RIN2: variants seen among roughly 807,000 people sequenced by gnomAD.
RIN2 encodes the protein Ras and Rab interactor 2, also known as RAB5 interacting protein 2.
RIN2 carries 36 observed loss-of-function variants against 78.0 expected under a neutral mutation model. That is an observed-to-expected ratio of 0.46 (90% CI 0.35 to 0.61). RIN2 has a LOEUF of 0.61. RIN2 is among the 20% of genes least tolerant of loss of function. The pLI is 0.00. For synonymous variants in RIN2, 466 were observed against 466.8 expected, an observed-to-expected ratio of 1.00 and a Z score of 0.02; for missense variants, 1,087 against 1,159.7, an observed-to-expected ratio of 0.94 and a Z score of 0.91.
intron 11 of RIN2, among the ~76,000 whole-genome samples, chr20:19,992,544 T>G (rs957776129): frequency 6.6e-6 from 1 of 152,216 alleles, no homozygotes; most frequent in African/African-American, 2.4e-5. Context: ...TCTTAAGTGT[T>G]AACTGAATTT....
intron 3 of RIN2, among the ~76,000 whole-genome samples, chr20:19,917,699 CAT>C (rs747272850): frequency 4.5e-4 from 68 of 152,268 alleles, no homozygotes; most frequent in South Asian, 1.2e-3. Flanking sequence ...CACTTAATAA[CAT>C]ATCACTATAT....
intron 1 of RIN2, among the ~76,000 whole-genome samples, chr20:19,763,510 G>T (rs928425030): frequency 6.8e-6 from 1 of 147,010 alleles, no homozygotes. Context: ...CCACTCAATA[G>T]CATAATCACA....
In RIN2 at chr20:19,996,689, C is replaced by T. The variant is rs374648236; in HGVS notation, c.2211C>T (p.Tyr737=). The T allele has an allele frequency of 5.0e-6, 8 of 1,613,914 alleles. No homozygotes were observed. The highest frequency in any genetic ancestry group is 1.3e-5 in the African/African-American group (1 of 74,934). The change falls in exon 12 of 13, where the codon TAC becomes TAT. Residue 737 remains tyrosine, a synonymous_variant. Transcript: ENST00000255006. ...PSLLHGEGGY[Y]LTSAYGALSL... is the part of the protein sequence containing the mutation. ...TTCTGCTCTTTTCAGGAGGCTATTACTTGACAAGCGCATATGGAGCACTTT... is the reference window on the plus strand; with the variant it reads ...TTCTGCTCTTTTCAGGAGGCTATTATTTGACAAGCGCATATGGAGCACTTT...
At chr20:19,787,293 T>A (rs1228873460) in intron 1 of RIN2, among the ~76,000 whole-genome samples, 1 of 151,608 alleles carries the variant, frequency 6.6e-6, no homozygotes, top group African/African-American at 2.4e-5. Context: ...CATGGTGGCG[T>A]GCAGCTGTAA....
At position 19,857,066 on chromosome 20, in the gene RIN2, T is replaced by C. The variant is rs575701013; in HGVS notation, c.-36-32500T>C. Among the ~76,000 whole-genome samples the C allele has an allele frequency of 5.9e-5, 9 of 152,300 alleles. No individual in the cohort carries two copies. In the East Asian group the frequency reaches 1.7e-3, roughly 29 times the overall value. On this transcript the variant is annotated intron_variant, in intron 2 of 12. Coordinates refer to ENST00000255006, the MANE Select transcript of RIN2 (RefSeq NM_018993.4). Reference sequence around the variant, plus strand: ...TAGGCAGAGACCCCGGTAGCCACCATCCAGATCAAGGTCTAGAACATTTTC... The same window carrying C: ...TAGGCAGAGACCCCGGTAGCCACCACCCAGATCAAGGTCTAGAACATTTTC...
At chr20:19,888,542 C>A (rs1479133284) in intron 2 of RIN2, among the ~76,000 whole-genome samples, 1 of 152,248 alleles carries the variant, frequency 6.6e-6, no homozygotes, top group Admixed American at 6.5e-5. Flanking sequence ...AGCTGAACCA[C>A]TTTGAATATT....
chr20:19,898,944 C>T (rs2038860096), intron 3 of RIN2, among the ~76,000 whole-genome samples: 1 of 152,138 alleles, frequency 6.6e-6, no homozygotes, highest in South Asian at 2.1e-4. Context: ...CAAAACACTA[C>T]CTATCAGAAT....
intron 3 of RIN2, among the ~76,000 whole-genome samples, chr20:19,926,459 G>A (rs1426619033): frequency 6.6e-6 from 1 of 151,990 alleles, no homozygotes; most frequent in Non-Finnish European, 1.5e-5. Context: ...GTTCCTGGGG[G>A]CAAAGGTCAT....
At position 19,877,379 on chromosome 20, in the gene RIN2, C is replaced by G. The variant is rs142278979; in HGVS notation, c.-36-12187C>G. Among the ~76,000 whole-genome samples the G allele has an allele frequency of 3.8e-4, 58 of 152,226 alleles. No homozygotes were observed. In the East Asian group the frequency reaches 0.011, roughly 28 times the overall value. On this transcript the variant is annotated intron_variant, in intron 2 of 12. Transcript: ENST00000255006. Reference sequence around the variant, plus strand: ...TGCTTACTGGATGTGTTTTGACTCCCAAGAGAAGAATGTTTGGAGGGGAAA... The same window carrying G: ...TGCTTACTGGATGTGTTTTGACTCCGAAGAGAAGAATGTTTGGAGGGGAAA...
intron 3 of RIN2, among the ~76,000 whole-genome samples, chr20:19,929,431 G>T (rs2040356632): frequency 6.6e-6 from 1 of 152,038 alleles, no homozygotes; most frequent in South Asian, 2.1e-4. Context: ...GCTCAATCTG[G>T]GCTCACTGCA....
chr20:19,965,317 A>AAC (rs557515602), intron 7 of RIN2, among the ~76,000 whole-genome samples: 149 of 152,252 alleles, frequency 9.8e-4, no homozygotes, highest in African/African-American at 3.3e-3. Flanking sequence ...TCAAGCAGGA[A>AAC]ACACACACAC....
intron 2 of RIN2, among the ~76,000 whole-genome samples, chr20:19,802,593 TGAC>T (rs1464513949): frequency 1.3e-5 from 2 of 151,968 alleles, no homozygotes; most frequent in Non-Finnish European, 2.9e-5. Flanking sequence ...GCTGGAGGGA[TGAC>T]ATCACTGAAG....
intron 2 of RIN2, among the ~76,000 whole-genome samples, chr20:19,810,187 T>G (rs1568772388): frequency 6.8e-6 from 1 of 147,776 alleles, no homozygotes; most frequent in Non-Finnish European, 1.5e-5. Flanking sequence ...TTTCTTGAGG[T>G]CAGGAGTTCG....
intron 2 of RIN2, among the ~76,000 whole-genome samples, chr20:19,813,487 C>T (rs1200607381): frequency 6.6e-6 from 1 of 152,198 alleles, no homozygotes; most frequent in Non-Finnish European, 1.5e-5. Context: ...AGGCAGAGTA[C>T]TTTCTCCTAA....
intron 8 of RIN2, among the ~76,000 whole-genome samples, chr20:19,971,191 T>G (rs969241866): frequency 2.0e-5 from 3 of 151,878 alleles, no homozygotes; most frequent in Non-Finnish European, 4.4e-5. Context: ...CATGATTTTT[T>G]TTTTTTGAGG....
At chr20:19,806,843 A>G (rs2122759099) in intron 2 of RIN2, among the ~76,000 whole-genome samples, 1 of 131,280 alleles carries the variant, frequency 7.6e-6, no homozygotes, top group African/African-American at 2.9e-5. Flanking sequence ...GGCTACAGTG[A>G]GCCAGCCTGG....
At chr20:19,851,031 AAG>A (rs1568814899) in intron 2 of RIN2, among the ~76,000 whole-genome samples, 48 of 116,470 alleles carry the variant, frequency 4.1e-4, no homozygotes, top group Non-Finnish European at 5.0e-4. Flanking sequence ...GGAAGGAAGG[AAG>A]GAAGGAAGGA....
At chr20:19,799,052 G>A (rs1009003683) in intron 1 of RIN2, among the ~76,000 whole-genome samples, 4 of 151,876 alleles carry the variant, frequency 2.6e-5, no homozygotes. Context: ...GGCGTGTGTC[G>A]CTATGCCTGG....
chr20:19,856,260 G>T (rs1322152564), intron 2 of RIN2, among the ~76,000 whole-genome samples: 1 of 152,116 alleles, frequency 6.6e-6, no homozygotes, highest in Non-Finnish European at 1.5e-5. Context: ...TGATTTTAGG[G>T]TTTTAAGAGT....
Sources: gnomAD v4.1 joint callset for allele counts (sites outside exome capture counted in the v4.1 genomes callset) on GRCh38, gnomAD v4.1.1 for gene constraint, MANE v1.5 for transcripts, NCBI Gene and HGNC (gene_info 2026-07-23, HGNC 2026-07-21) for gene names.